Variants in PRDM5 observed in about 807,000 individuals in gnomAD.
PRDM5 encodes the protein PR domain zinc finger protein 5.
In PRDM5, 56 loss-of-function variants were observed where a neutral mutation model predicts 81.2. The observed-to-expected ratio is 0.69, with a 90% CI of 0.56 to 0.86. PRDM5 has a LOEUF of 0.86. Among genes scored for constraint, PRDM5 ranks in the 40% least tolerant of loss-of-function variants. PRDM5 has a pLI of 0.00. For synonymous variants in PRDM5, 267 were observed against 256.4 expected (o/e 1.04, Z -0.39); for missense variants, 697 against 770.1 (o/e 0.91, Z 1.12).
chr4:120,702,278 T>C (rs536940732), intron 15 of PRDM5, among the ~76,000 whole-genome samples: 2 of 152,306 alleles, frequency 1.3e-5, no homozygotes, highest in Admixed American at 6.5e-5. Flanking sequence ...ACTTGTAAGG[T>C]AATCACTGAG....
At chr4:120,751,098 C>T (rs1743936443) in intron 14 of PRDM5, among the ~76,000 whole-genome samples, 1 of 152,034 alleles carries the variant, frequency 6.6e-6, no homozygotes, top group South Asian at 2.1e-4. Context: ...GGCTGAAGTG[C>T]AGTGGCACAG....
chr4:120,855,677 C>T (rs985188731), intron 2 of PRDM5, among the ~76,000 whole-genome samples: 16 of 152,158 alleles, frequency 1.1e-4, no homozygotes, highest in African/African-American at 3.6e-4. Flanking sequence ...GCAATAGCAC[C>T]AAAACTGTTT....
rs200600235 is a variant in PRDM5 at position 120,901,443 on chromosome 4, G to C, written c.177+6031C>G. On this transcript the variant is annotated intron_variant, in intron 2 of 15. Transcript: ENST00000264808. ...GAGTTTTCTCATGAATGATCCAGGAGACAGACGTAGGAAAATAAATGCATG... is the reference window on the plus strand; with the variant it reads ...GAGTTTTCTCATGAATGATCCAGGACACAGACGTAGGAAAATAAATGCATG... 3.0e-4 allele frequency among the ~76,000 whole-genome samples: 46 copies of C among 152,312 alleles called. No individual in the cohort carries two copies. The East Asian group carries it at 5.6e-3, about 19-fold the overall frequency.
intron 10 of PRDM5, among the ~76,000 whole-genome samples, chr4:120,796,862 T>G (rs1316354044): frequency 2.0e-5 from 3 of 152,154 alleles, no homozygotes; most frequent in Non-Finnish European, 4.4e-5. Flanking sequence ...TGGAGTATAA[T>G]AACTGAAAAA....
chr4:120,695,313 A>G, intron 15 of PRDM5, 38 bp from the exon 16 acceptor site: 2 of 1,608,250 alleles, frequency 1.2e-6, no homozygotes, highest in African/African-American at 2.7e-5. Context: ...TTATACTGAA[A>G]TAAACAAAAT....
chr4:120,908,410 C>T (rs1482799976), intron 1 of PRDM5, among the ~76,000 whole-genome samples: 1 of 152,154 alleles, frequency 6.6e-6, no homozygotes, highest in African/African-American at 2.4e-5. Context: ...CTTCCCTTCA[C>T]ATGGAGGTGA....
intron 2 of PRDM5, among the ~76,000 whole-genome samples, chr4:120,884,946 C>T (rs528883796): frequency 3.3e-5 from 5 of 151,552 alleles, no homozygotes; most frequent in African/African-American, 1.2e-4. Flanking sequence ...GTCAGGAGAT[C>T]GAGACCATCC....
intron 13 of PRDM5, among the ~76,000 whole-genome samples, chr4:120,776,395 C>A (rs1034112672): frequency 6.6e-6 from 1 of 152,086 alleles, no homozygotes; most frequent in African/African-American, 2.4e-5. Context: ...AGACATTGAG[C>A]TAGGTACTGG....
intron 13 of PRDM5, among the ~76,000 whole-genome samples, chr4:120,758,868 A>G (rs943002647): frequency 6.6e-6 from 1 of 151,012 alleles, no homozygotes; most frequent in Non-Finnish European, 1.5e-5. Flanking sequence ...CCATTCTCCT[A>G]CCTCAGCCTC....
At chr4:120,733,799 T>C (rs1740622042) in intron 14 of PRDM5, among the ~76,000 whole-genome samples, 1 of 149,648 alleles carries the variant, frequency 6.7e-6, no homozygotes, top group Non-Finnish European at 1.5e-5. Context: ...GATAAAATCA[T>C]ACAACATGCA....
intron 13 of PRDM5, among the ~76,000 whole-genome samples, chr4:120,774,906 ATG>A (rs746086375): frequency 1.1e-4 from 12 of 104,944 alleles, no homozygotes; most frequent in African/African-American, 2.0e-4. Flanking sequence ...ATATATATAT[ATG>A]TATATGTATA....
At chr4:120,789,865 A>C (rs1750322951) in intron 10 of PRDM5, among the ~76,000 whole-genome samples, 1 of 152,178 alleles carries the variant, frequency 6.6e-6, no homozygotes, top group Non-Finnish European at 1.5e-5. Flanking sequence ...AATTTAGTTG[A>C]TGTTCCTACA....
chr4:120,746,827 C>T (rs1743153425), intron 14 of PRDM5, among the ~76,000 whole-genome samples: 1 of 145,082 alleles, frequency 6.9e-6, no homozygotes, highest in African/African-American at 2.6e-5. Flanking sequence ...CACTTTTACA[C>T]TGTTGGTGGG....
intron 13 of PRDM5, among the ~76,000 whole-genome samples, chr4:120,769,152 G>T (rs1475891600): frequency 3.9e-5 from 6 of 152,156 alleles, no homozygotes; most frequent in African/African-American, 1.4e-4. Context: ...TATCATACAG[G>T]TAATGCAACC....
downstream of PRDM5, among the ~76,000 whole-genome samples, chr4:120,689,863 AC>A (rs1210143537): frequency 6.6e-6 from 1 of 152,010 alleles, no homozygotes; most frequent in African/African-American, 2.4e-5. Context: ...GATCTGCCTA[AC>A]TTGGCCTCCC....
chr4:120,715,467 C>T (rs1388192056), intron 14 of PRDM5, among the ~76,000 whole-genome samples: 1 of 152,130 alleles, frequency 6.6e-6, no homozygotes, highest in Non-Finnish European at 1.5e-5. Context: ...ATATAATGTG[C>T]TTTCCCCTCT....
chr4:120,695,246 T>C lies in PRDM5; in HGVS notation c.1758A>G (p.Lys586=). Residue 586 remains lysine (K), a synonymous_variant, in exon 16 of 16, where the codon AAA becomes AAG. Coordinates refer to ENST00000264808, the MANE Select transcript of PRDM5 (RefSeq NM_018699.4). ...DVCDLAFSLK[K]MLIRHKMTHN... ...GAGTCATCTTGTGTCGAATCAGCAT[T>C]TTCTTCAGGCTAAAAGCCAAATCAC... is the stretch of plus-strand genomic sequence containing the variant. The C allele has an allele frequency of 2.5e-6, 4 of 1,613,488 alleles. No individual in the cohort carries two copies. Among genetic ancestry groups the C allele is most frequent in the Non-Finnish European group, 3.4e-6 (4 of 1,179,622 alleles).
At chr4:120,777,330 T>C (rs770411497) in intron 12 of PRDM5, 49 bp from the exon 13 acceptor site, 21 of 1,611,244 alleles carry the variant, frequency 1.3e-5, no homozygotes, top group Non-Finnish European at 1.7e-5. Flanking sequence ...AAGAATTAGG[T>C]AAAGATGATT....
At chr4:120,687,667 T>A (rs574216592), downstream of PRDM5, among the ~76,000 whole-genome samples, 6 of 152,308 alleles carry the variant, frequency 3.9e-5, no homozygotes, top group African/African-American at 9.6e-5. Flanking sequence ...CTCAAATTCA[T>A]GTTGAAATTT....
Sources: allele counts gnomAD v4.1 joint callset (sites outside exome capture counted in the v4.1 genomes callset), GRCh38; gene constraint gnomAD v4.1.1; transcripts MANE v1.5; gene names NCBI Gene and HGNC (gene_info 2026-07-23, HGNC 2026-07-21).